ENPP6: variants seen among roughly 807,000 people sequenced by gnomAD.
The protein encoded by ENPP6 is ectonucleotide pyrophosphatase/phosphodiesterase 6.
Under a neutral mutation model 42.0 loss-of-function variants are expected in ENPP6, and 32 were observed. The ratio of observed to expected loss-of-function variants is 0.76; its 90% CI spans 0.58 to 1.02. The LOEUF is 1.02. ENPP6 is among the 50% of genes least tolerant of loss of function. The probability of loss-of-function intolerance (pLI) is 0.00; values close to 1 mark genes in which losing one functional copy is unlikely to be tolerated. For synonymous variants in ENPP6, 213 were observed against 216.0 expected (o/e 0.99, Z 0.12); for missense variants, 552 against 566.8 (o/e 0.97, Z 0.27).
chr4:184,217,761 G>A lies in ENPP6; in HGVS notation c.59C>T (p.Ala20Val). The A allele has an allele frequency of 6.2e-7, 1 of 1,614,088 alleles. No homozygotes were observed. The highest frequency in any genetic ancestry group is 8.5e-7 in the Non-Finnish European group (1 of 1,180,034). The change falls in exon 1 of 8, where the codon GCC (alanine) becomes GTC (valine). Residue 20 changes from alanine to valine, a missense_variant. By Grantham distance (64) the Ala-to-Val change is moderately conservative. Coordinates refer to ENST00000296741, the MANE Select transcript of ENPP6 (RefSeq NM_153343.4). The part of the protein sequence containing the change: ...LALALGLAQP[A>V]SARRKLLVFL... ...CACCAGCAGCTTCCGGCGGGCAGAG[G>A]CTGGCTGGGCCAGGCCCAGGGCAAG...
chr4:184,216,195 T>C (rs1023512777), intron 1 of ENPP6, among the ~76,000 whole-genome samples: 22 of 152,200 alleles, frequency 1.4e-4, no homozygotes, highest in Non-Finnish European at 3.2e-4. Context: ...ATCACGTCTA[T>C]GTGAGAGCCG....
chr4:184,176,557 G>A (rs1737563791), intron 1 of ENPP6, among the ~76,000 whole-genome samples: 2 of 152,130 alleles, frequency 1.3e-5, no homozygotes, highest in African/African-American at 4.8e-5. Context: ...ACCTCCTGCG[G>A]CACTGAACTG....
intron 6 of ENPP6, among the ~76,000 whole-genome samples, chr4:184,111,251 G>A (rs1158172137): frequency 6.6e-6 from 1 of 152,202 alleles, no homozygotes; most frequent in African/African-American, 2.4e-5. Context: ...AGAAATTACT[G>A]ATGGCTGTGG....
intron 1 of ENPP6, among the ~76,000 whole-genome samples, chr4:184,171,621 A>G (rs1737462606): frequency 6.6e-6 from 1 of 152,262 alleles, no homozygotes; most frequent in Non-Finnish European, 1.5e-5. Flanking sequence ...CAGTTGACAT[A>G]CATTTGTCAC....
rs1318615614 is a variant in ENPP6, at chr4:184,089,604, T to C, written c.*1573A>G. 1 of 152,256 alleles carries C rather than the reference T, an allele frequency of 6.6e-6. No individual in the cohort carries two copies. The highest frequency in any genetic ancestry group is 1.5e-5 in the Non-Finnish European group (1 of 68,120). 9.4% of individuals were successfully genotyped at this position (152,256 alleles called of 1,614,324 possible). On this transcript the variant is annotated 3_prime_UTR_variant, in exon 8 of 8. Transcript: ENST00000296741. ...GATTCTCCTGCCTCAGCCTCCCAAG[T>C]AGCTGAGACCACAGGCATGTGCCAC...
intron 1 of ENPP6, among the ~76,000 whole-genome samples, chr4:184,191,114 G>A (rs954949194): frequency 2.0e-5 from 3 of 152,260 alleles, no homozygotes; most frequent in African/African-American, 7.2e-5. Context: ...ACACGTAGAT[G>A]CCTATGCAGG....
chr4:184,112,509 A>T, intron 6 of ENPP6, 163 bp downstream of exon 6: 1 of 893,718 alleles, frequency 1.1e-6, no homozygotes, highest in Non-Finnish European at 1.6e-6. Flanking sequence ...CTACAAAGTT[A>T]CCCGATCAAG....
intron 6 of ENPP6, among the ~76,000 whole-genome samples, chr4:184,099,489 G>C (rs538745336): frequency 6.6e-6 from 1 of 152,218 alleles, no homozygotes; most frequent in Non-Finnish European, 1.5e-5. Context: ...GTGTTCAATA[G>C]GTGGCAACGG....
chr4:184,132,447 C>A (rs568498092), intron 2 of ENPP6, among the ~76,000 whole-genome samples: 2 of 152,034 alleles, frequency 1.3e-5, no homozygotes, highest in African/African-American at 4.8e-5. Context: ...GATATCAACT[C>A]GTTGTTTGTT....
chr4:184,201,422 T>C lies in ENPP6; in HGVS notation c.241+16157A>G, dbSNP rs945285664. 2.0e-5 allele frequency among the ~76,000 whole-genome samples: 3 copies of C among 151,222 alleles called. No homozygotes were observed. In the South Asian group the frequency reaches 6.3e-4, roughly 32 times the overall value. ...GGGTGAGGGAGGCGGGGCGGGGGGG[T>C]GTTGTGAGATCGCCATGGTGTGTAG... is the stretch of plus-strand genomic sequence containing the variant. On this transcript the variant is annotated intron_variant, in intron 1 of 7. Transcript: ENST00000296741.
chr4:184,170,158 G>A (rs1395233909), intron 1 of ENPP6, among the ~76,000 whole-genome samples: 1 of 152,230 alleles, frequency 6.6e-6, no homozygotes, highest in African/African-American at 2.4e-5. Flanking sequence ...GGCCGGGAAA[G>A]GTGGCTCACG....
intron 2 of ENPP6, among the ~76,000 whole-genome samples, chr4:184,126,337 T>A (rs6831389): frequency 0.68 from 103,084 of 152,132 alleles, 35,245 homozygotes; most frequent in African/African-American, 0.73. Context: ...AACTTTTTTT[T>A]ATTGATTAAT....
intron 2 of ENPP6, among the ~76,000 whole-genome samples, chr4:184,131,251 T>C (rs1451089345): frequency 5.7e-5 from 2 of 35,364 alleles, no homozygotes; most frequent in Admixed American, 2.8e-4. Flanking sequence ...TTTCTTTCTT[T>C]CTCTTTCTCT....
rs575508269 is a variant in ENPP6 at position 184,177,785 on chromosome 4, C to T, written c.242-24052G>A. ...CCTTAGCAACCCTACAGAAGAGGGG[C>T]CTGACTGTTAAAAGAAAAACAGATA... On this transcript the variant is annotated intron_variant, in intron 1 of 7. Transcript: ENST00000296741. Among the ~76,000 whole-genome samples, 9 of 151,820 alleles carry T rather than the reference C, an allele frequency of 5.9e-5. No homozygotes were observed. The South Asian group carries it at 1.3e-3, about 21-fold the overall frequency.
chr4:184,205,275 C>T (rs1732975365), intron 1 of ENPP6, among the ~76,000 whole-genome samples: 2 of 152,204 alleles, frequency 1.3e-5, no homozygotes, highest in East Asian at 3.8e-4. Context: ...AATAAATAAT[C>T]TGGTGCCGTG....
chr4:184,213,871 A>C lies in ENPP6; in HGVS notation c.241+3708T>G, dbSNP rs1420166411. On this transcript the variant is annotated intron_variant, in intron 1 of 7. Coordinates refer to ENST00000296741, the MANE Select transcript of ENPP6 (RefSeq NM_153343.4). The stretch of plus-strand genomic sequence containing the variant: ...TCCAACAATGATAGACTGGATTAAG[A>C]AAATGTGGCACATATACACCATGGA... Among the ~76,000 whole-genome samples, 11 of 130,996 alleles carry C rather than the reference A, an allele frequency of 8.4e-5. 1 individual carries two copies. The highest frequency in any genetic ancestry group is 3.0e-4 in the African/African-American group (11 of 36,450). The allele number at this position is 130,996 out of a possible 152,430, so 85.9% of individuals were successfully genotyped here.
intron 2 of ENPP6, among the ~76,000 whole-genome samples, chr4:184,137,507 A>G (rs1300328418): frequency 6.6e-6 from 1 of 151,836 alleles, no homozygotes; most frequent in Non-Finnish European, 1.5e-5. Flanking sequence ...TTATATGCAT[A>G]AAATTGTAAA....
chr4:184,187,707 A>G (rs1195163416), intron 1 of ENPP6, among the ~76,000 whole-genome samples: 6 of 151,636 alleles, frequency 4.0e-5, no homozygotes, highest in Admixed American at 3.3e-4. Flanking sequence ...ACCACCTGAC[A>G]TTGTTTATAT....
intron 2 of ENPP6, among the ~76,000 whole-genome samples, chr4:184,131,718 G>A (rs1323883125): frequency 6.6e-6 from 1 of 150,982 alleles, no homozygotes; most frequent in Non-Finnish European, 1.5e-5. Flanking sequence ...ACTTGGATTT[G>A]TTGGTTTTCA....
Sources: gnomAD v4.1 joint callset for allele counts (sites outside exome capture counted in the v4.1 genomes callset) on GRCh38, gnomAD v4.1.1 for gene constraint, MANE v1.5 for transcripts, NCBI Gene and HGNC (gene_info 2026-07-23, HGNC 2026-07-21) for gene names.